The following SNTG1 variants were observed in gnomAD, a reference collection of about 807,000 sequenced individuals.
SNTG1 encodes gamma-1-syntrophin.
SNTG1 carries 39 observed loss-of-function variants against 74.7 expected under a neutral mutation model. The ratio of observed to expected loss-of-function variants is 0.52; its 90% CI spans 0.40 to 0.68. The LOEUF (loss-of-function observed/expected upper bound fraction) is 0.68, where lower values mean the gene tolerates loss of function less well. SNTG1 is among the 30% of genes least tolerant of loss of function. SNTG1 has a pLI of 0.00. For synonymous variants in SNTG1, 254 were observed against 217.1 expected, an observed-to-expected ratio of 1.17 and a Z score of -1.49; for missense variants, 685 against 609.5, an observed-to-expected ratio of 1.12 and a Z score of -1.30.
intron 13 of SNTG1, among the ~76,000 whole-genome samples, chr8:50,623,065 G>T (rs2094933591): frequency 6.6e-6 from 1 of 151,926 alleles, no homozygotes; most frequent in Admixed American, 6.6e-5. Flanking sequence ...TTTTGGTTTT[G>T]TTTTTTGTGT....
intron 1 of SNTG1, among the ~76,000 whole-genome samples, chr8:50,168,173 GA>G (rs1031310492): frequency 6.6e-6 from 1 of 150,584 alleles, no homozygotes; most frequent in Non-Finnish European, 1.5e-5. Context: ...CCAACTTCCT[GA>G]AAAAAATCTA....
rs34145193 is a variant in SNTG1 at position 50,167,333 on chromosome 8, TAAAAAA to T, written c.-102-5222_-102-5217del. ...ATAAAAAAAATAAAATAAAATAAAA[TAAAAAA>T]AAAAATCTTTGAAATTAGGAAAGCA... On this transcript the variant is annotated intron_variant, in intron 1 of 18. Transcript: ENST00000642720. Among the ~76,000 whole-genome samples the T allele has an allele frequency of 5.4e-4, 75 of 139,308 alleles. 1 individual carries two copies. Among genetic ancestry groups the T allele is most frequent in the African/African-American group, 1.9e-3 (74 of 38,292 alleles). The allele number at this position is 139,308 out of a possible 152,430, so 91.4% of individuals were successfully genotyped here.
At chr8:50,266,646 A>ATGTGTGTG (rs748153246) in intron 2 of SNTG1, among the ~76,000 whole-genome samples, 55 of 69,724 alleles carry the variant, frequency 7.9e-4, no homozygotes, top group African/African-American at 1.6e-3. Context: ...ACACAGAATT[A>ATGTGTGTG]TGTGTGTGTG....
chr8:50,514,402 T>C (rs576158851), intron 9 of SNTG1, among the ~76,000 whole-genome samples: 46 of 152,334 alleles, frequency 3.0e-4, no homozygotes, highest in African/African-American at 1.1e-3. Flanking sequence ...CTGCATCCCA[T>C]GAATTTTTGT....
chr8:50,676,828 T>A (rs1477264996), intron 15 of SNTG1, among the ~76,000 whole-genome samples: 2 of 152,012 alleles, frequency 1.3e-5, no homozygotes, highest in Non-Finnish European at 2.9e-5. Context: ...CACTATTTTT[T>A]AAAGATATTT....
At chr8:50,010,143 G>T (rs1409422604) in intron 1 of SNTG1, among the ~76,000 whole-genome samples, 1 of 152,072 alleles carries the variant, frequency 6.6e-6, no homozygotes, top group South Asian at 2.1e-4. Flanking sequence ...ATACAATTAA[G>T]GATTTTGCTC....
chr8:50,032,726 G>A (rs1018518892), intron 1 of SNTG1, among the ~76,000 whole-genome samples: 1 of 152,146 alleles, frequency 6.6e-6, no homozygotes, highest in African/African-American at 2.4e-5. Context: ...CAATAGAGAA[G>A]TAACTCTCCT....
chr8:50,146,431 T>A (rs2081868549), intron 1 of SNTG1, among the ~76,000 whole-genome samples: 1 of 152,062 alleles, frequency 6.6e-6, no homozygotes, highest in African/African-American at 2.4e-5. Flanking sequence ...GACAGGAGAA[T>A]CGCTGGTACC....
intron 10 of SNTG1, among the ~76,000 whole-genome samples, 171 bp downstream of exon 10, chr8:50,530,430 T>A (rs1302511860): frequency 8.9e-6 from 1 of 112,758 alleles, no homozygotes; most frequent in Non-Finnish European, 1.8e-5. Context: ...CTTATGCCAT[T>A]TTTTTCCCCT....
chr8:49,960,963 AAG>A (rs1810628478), intron 1 of SNTG1, among the ~76,000 whole-genome samples: 4 of 152,200 alleles, frequency 2.6e-5, no homozygotes, highest in Non-Finnish European at 5.9e-5. Context: ...CAGGAGCGGA[AAG>A]TTACCTGTAT....
At chr8:50,432,163 C>G (rs2093244404) in intron 4 of SNTG1, among the ~76,000 whole-genome samples, 1 of 152,114 alleles carries the variant, frequency 6.6e-6, no homozygotes, top group African/African-American at 2.4e-5. Flanking sequence ...AATATTTAAG[C>G]CTATCTATGA....
At chr8:50,557,944 A>C (rs982685152) in intron 12 of SNTG1, among the ~76,000 whole-genome samples, 10 of 152,148 alleles carry the variant, frequency 6.6e-5, no homozygotes, top group African/African-American at 2.4e-4. Flanking sequence ...CTTGCAGTTC[A>C]CACATAAAAT....
At chr8:50,260,558 A>C (rs933394294) in intron 2 of SNTG1, among the ~76,000 whole-genome samples, 1 of 151,918 alleles carries the variant, frequency 6.6e-6, no homozygotes, top group Non-Finnish European at 1.5e-5. Context: ...AGTATTCTAA[A>C]AAGCAAAAGA....
chr8:50,509,341 A>C (rs958717832), intron 9 of SNTG1, among the ~76,000 whole-genome samples: 10 of 152,208 alleles, frequency 6.6e-5, no homozygotes, highest in Non-Finnish European at 1.5e-4. Flanking sequence ...GTTTGAAGTC[A>C]GGTAGCGTGA....
chr8:50,107,828 G>A (rs1212206611), intron 1 of SNTG1, among the ~76,000 whole-genome samples: 1 of 152,112 alleles, frequency 6.6e-6, no homozygotes, highest in Non-Finnish European at 1.5e-5. Context: ...TGGGATTACA[G>A]GCATGAACCA....
intron 14 of SNTG1, among the ~76,000 whole-genome samples, chr8:50,658,384 G>C (rs2095196929): frequency 6.6e-6 from 1 of 152,098 alleles, no homozygotes; most frequent in Admixed American, 6.6e-5. Context: ...TAAATCATTT[G>C]CTGAAAGCAT....
intron 1 of SNTG1, among the ~76,000 whole-genome samples, chr8:50,111,497 G>A (rs1428970592): frequency 6.6e-6 from 1 of 152,070 alleles, no homozygotes; most frequent in Non-Finnish European, 1.5e-5. Flanking sequence ...GAGAAGGGAG[G>A]AAGAGAGCCC....
At chr8:50,434,815 C>T (rs1340683565) in intron 4 of SNTG1, among the ~76,000 whole-genome samples, 16 of 152,138 alleles carry the variant, frequency 1.1e-4, no homozygotes, top group Admixed American at 1.0e-3. Flanking sequence ...TTAACATTCT[C>T]TATTTTCTTT....
intron 18 of SNTG1, among the ~76,000 whole-genome samples, chr8:50,774,064 G>A (rs1258750947): frequency 6.6e-6 from 1 of 151,920 alleles, no homozygotes; most frequent in Non-Finnish European, 1.5e-5. Context: ...GGGCAACTGA[G>A]ATTATCCAGT....
Sources: gnomAD v4.1 joint callset for allele counts (sites outside exome capture counted in the v4.1 genomes callset) on GRCh38, gnomAD v4.1.1 for gene constraint, MANE v1.5 for transcripts, NCBI Gene and HGNC (gene_info 2026-07-23, HGNC 2026-07-21) for gene names.